The following FSHR variants were observed in gnomAD, a reference collection of about 807,000 sequenced individuals.
FSHR encodes follicle stimulating hormone receptor.
Under a neutral mutation model 52.1 loss-of-function variants are expected in FSHR, and 46 were observed. The ratio of observed to expected loss-of-function variants is 0.88; its 90% CI spans 0.70 to 1.13. FSHR has a LOEUF of 1.13. Among genes scored for constraint, FSHR ranks in the 50% most tolerant of loss-of-function variants. FSHR has a pLI of 0.00. For missense variants in FSHR, 964 were observed against 834.6 expected (o/e 1.16, Z -1.91); for synonymous variants, 399 against 309.6 (o/e 1.29, Z -3.03).
intron 1 of FSHR, among the ~76,000 whole-genome samples, chr2:49,098,282 G>C (rs1670899525): frequency 6.6e-6 from 1 of 152,032 alleles, no homozygotes; most frequent in Admixed American, 6.6e-5. Context: ...GGCTAGTGGA[G>C]TAAACATGCA....
At chr2:48,977,535 GTCT>G (rs1448441962) in intron 8 of FSHR, among the ~76,000 whole-genome samples, 2 of 152,046 alleles carry the variant, frequency 1.3e-5, no homozygotes, top group Non-Finnish European at 2.9e-5. Context: ...GACAGAGGCT[GTCT>G]CCTCCCACAC....
intron 1 of FSHR, among the ~76,000 whole-genome samples, chr2:49,085,878 A>G (rs1456831677): frequency 6.9e-6 from 1 of 145,570 alleles, no homozygotes; most frequent in East Asian, 2.1e-4. Context: ...AAAACCAAAC[A>G]CCGCGTGTTC....
chr2:49,052,099 A>G (rs899842378), intron 2 of FSHR, among the ~76,000 whole-genome samples: 7 of 152,348 alleles, frequency 4.6e-5, no homozygotes, highest in Non-Finnish European at 8.8e-5. Flanking sequence ...TGCTACAAAT[A>G]TAGATAAAAC....
At chr2:49,034,512 A>G (rs189637936) in intron 2 of FSHR, among the ~76,000 whole-genome samples, 1 of 152,244 alleles carries the variant, frequency 6.6e-6, no homozygotes, top group Non-Finnish European at 1.5e-5. Flanking sequence ...TCTGGAAAAG[A>G]CCCTTTAGTT....
At chr2:49,061,586 C>T (rs1275343529) in intron 2 of FSHR, among the ~76,000 whole-genome samples, 1 of 135,666 alleles carries the variant, frequency 7.4e-6, no homozygotes, top group Non-Finnish European at 1.5e-5. Flanking sequence ...AGATATATAT[C>T]TATATATCTA....
intron 2 of FSHR, among the ~76,000 whole-genome samples, chr2:49,038,861 A>C (rs915947138): frequency 6.6e-6 from 1 of 152,108 alleles, no homozygotes; most frequent in Admixed American, 6.6e-5. Context: ...TAACTATAAC[A>C]TAATATGAAT....
chr2:49,031,415 AG>A (rs1668098328), intron 2 of FSHR, among the ~76,000 whole-genome samples: 2 of 152,202 alleles, frequency 1.3e-5, no homozygotes, highest in African/African-American at 4.8e-5. Flanking sequence ...TAATCAGCAA[AG>A]GAAGAGATTT....
intron 4 of FSHR, among the ~76,000 whole-genome samples, chr2:49,011,889 A>G (rs1410919297): frequency 6.6e-6 from 1 of 151,998 alleles, no homozygotes; most frequent in African/African-American, 2.4e-5. Context: ...TACTCCTACC[A>G]AATTAAATTT....
At chr2:48,982,314 G>T (rs1573041513) in intron 8 of FSHR, among the ~76,000 whole-genome samples, 1 of 152,168 alleles carries the variant, frequency 6.6e-6, no homozygotes, top group Non-Finnish European at 1.5e-5. Context: ...GAAATGACAA[G>T]AGGGAGGGGT....
intron 2 of FSHR, among the ~76,000 whole-genome samples, chr2:49,051,143 G>T (rs1668842259): frequency 6.6e-6 from 1 of 152,072 alleles, no homozygotes; most frequent in Non-Finnish European, 1.5e-5. Flanking sequence ...CCTGCTGATG[G>T]ACATTTGAGT....
intron 4 of FSHR, among the ~76,000 whole-genome samples, chr2:48,999,147 T>G (rs1428038719): frequency 6.6e-6 from 1 of 152,090 alleles, no homozygotes. Flanking sequence ...GTAATAGATA[T>G]GTGCTATTCT....
chr2:49,143,817 A>C (rs1672775947), intron 1 of FSHR, among the ~76,000 whole-genome samples: 1 of 152,174 alleles, frequency 6.6e-6, no homozygotes, highest in South Asian at 2.1e-4. Context: ...TGACTCTAGA[A>C]AATGGAAGCC....
intron 3 of FSHR, among the ~76,000 whole-genome samples, chr2:49,018,600 C>A (rs1667581968): frequency 6.6e-6 from 1 of 152,120 alleles, no homozygotes; most frequent in South Asian, 2.1e-4. Context: ...GGCTGGCTGC[C>A]CTTTGGTTCA....
chr2:49,068,797 C>T (rs1328705327), intron 1 of FSHR, among the ~76,000 whole-genome samples: 1 of 152,046 alleles, frequency 6.6e-6, no homozygotes, highest in East Asian at 1.9e-4. Context: ...TGCCTTCTCT[C>T]CTGGTACTGT....
chr2:49,100,078 C>T (rs1017300873), intron 1 of FSHR, among the ~76,000 whole-genome samples: 13 of 152,098 alleles, frequency 8.5e-5, no homozygotes, highest in South Asian at 4.1e-4. Context: ...CTCTTTTACA[C>T]GTATTAACTC....
At chr2:49,050,869 C>T (rs1668830760) in intron 2 of FSHR, among the ~76,000 whole-genome samples, 1 of 152,128 alleles carries the variant, frequency 6.6e-6, no homozygotes, top group Non-Finnish European at 1.5e-5. Context: ...AAAAAAGTTT[C>T]CTTGTCTGCC....
intron 2 of FSHR, among the ~76,000 whole-genome samples, chr2:49,061,333 T>C (rs1250540493): frequency 6.6e-6 from 1 of 151,744 alleles, no homozygotes; most frequent in Admixed American, 6.6e-5. Flanking sequence ...AAGACAAATA[T>C]AAACTGAAAG....
intron 1 of FSHR, 94 bp from the exon 2 acceptor site, chr2:49,068,384 C>G: frequency 9.6e-7 from 1 of 1,039,344 alleles, no homozygotes; most frequent in East Asian, 2.4e-5. Flanking sequence ...TTACCATATA[C>G]TAAGTGCTTG....
intron 4 of FSHR, among the ~76,000 whole-genome samples, chr2:49,017,070 C>A (rs1305102852): frequency 2.6e-5 from 4 of 151,832 alleles, no homozygotes; most frequent in African/African-American, 7.3e-5. Flanking sequence ...CGAAAACATA[C>A]AAAATAAACA....
Sources: allele counts gnomAD v4.1 joint callset (sites outside exome capture counted in the v4.1 genomes callset), GRCh38; gene constraint gnomAD v4.1.1; transcripts MANE v1.5; gene names NCBI Gene and HGNC (gene_info 2026-07-23, HGNC 2026-07-21).